Variants in SLIT2 observed in about 807,000 individuals in gnomAD.
SLIT2 encodes the protein slit guidance ligand 2, also known as slit homolog 2 protein.
SLIT2 carries 41 observed loss-of-function variants against 185.7 expected under a neutral mutation model. That is an observed-to-expected ratio of 0.22 (90% CI 0.17 to 0.29). The LOEUF (loss-of-function observed/expected upper bound fraction) is 0.29, where lower values mean the gene tolerates loss of function less well. Among genes scored for constraint, SLIT2 ranks in the 10% least tolerant of loss-of-function variants. The probability of loss-of-function intolerance (pLI) is 1.00; values close to 1 mark genes in which losing one functional copy is unlikely to be tolerated. For synonymous variants in SLIT2, 693 were observed against 680.2 expected, an observed-to-expected ratio of 1.02 and a Z score of -0.29; for missense variants, 1,571 against 1,909.0, an observed-to-expected ratio of 0.82 and a Z score of 3.30.
chr4:20,470,484 C>CTGTGTGTGTGTGTGTGTGTG (rs540814034), intron 5 of SLIT2, among the ~76,000 whole-genome samples: 1 of 129,216 alleles, frequency 7.7e-6, no homozygotes, highest in Non-Finnish European at 1.6e-5. Flanking sequence ...GCAGTGGAGT[C>CTGTGTGTGTGTGTGTGTGTG]TGTGTGTGTG....
chr4:20,605,928 T>A (rs1728766288), intron 33 of SLIT2, among the ~76,000 whole-genome samples: 1 of 151,562 alleles, frequency 6.6e-6, no homozygotes, highest in South Asian at 2.1e-4. Flanking sequence ...GTTTGTATTT[T>A]AGTAGAGACA....
chr4:20,385,469 T>C (rs933037722), intron 4 of SLIT2, among the ~76,000 whole-genome samples: 6 of 152,128 alleles, frequency 3.9e-5, no homozygotes, highest in Admixed American at 1.3e-4. Context: ...AAAAGTTGTA[T>C]AGCTTGGCCA....
intron 5 of SLIT2, among the ~76,000 whole-genome samples, chr4:20,468,586 A>G (rs572871549): frequency 1.7e-4 from 26 of 152,246 alleles, no homozygotes; most frequent in African/African-American, 6.0e-4. Flanking sequence ...TTAAGATCTC[A>G]GTGACAATCA....
intron 33 of SLIT2, among the ~76,000 whole-genome samples, chr4:20,604,812 C>G (rs992422494): frequency 2.0e-4 from 31 of 151,312 alleles, no homozygotes; most frequent in Middle Eastern, 3.2e-3. Flanking sequence ...TATTCCAAAG[C>G]GTGGAATATG....
rs529467390 is a variant in SLIT2 at position 20,367,844 on chromosome 4, C to T, written c.395+98963C>T. Reference sequence around the variant, plus strand: ...CTCCAGGAAGCAGGTTGATTCTGGCCGGCAAAGCTCCCTGAGGTGGGATCC... The same window carrying T: ...CTCCAGGAAGCAGGTTGATTCTGGCTGGCAAAGCTCCCTGAGGTGGGATCC... On this transcript the variant is annotated intron_variant, in intron 4 of 36. Coordinates refer to ENST00000504154, the MANE Select transcript of SLIT2 (RefSeq NM_004787.4). Among the ~76,000 whole-genome samples the T allele has an allele frequency of 7.6e-4, 116 of 152,124 alleles. No homozygotes were observed. The South Asian group carries it at 0.023, about 30-fold the overall frequency.
Position 20,373,420 on chromosome 4 carries a change from G to A in SLIT2, c.396-94332G>A, listed in dbSNP as rs146950291. On this transcript the variant is annotated intron_variant, in intron 4 of 36. Coordinates refer to ENST00000504154, the MANE Select transcript of SLIT2 (RefSeq NM_004787.4). ...TGAAGGAAATTTTAAAGAGATAAAA[G>A]TGCTTCCACTTTCACACACAAGTTT... 5.7e-4 allele frequency among the ~76,000 whole-genome samples: 86 copies of A among 151,998 alleles called. No individual in the cohort carries two copies. The South Asian group carries it at 0.014, about 25-fold the overall frequency.
Position 20,322,120 on chromosome 4 carries a change from C to T in SLIT2, c.395+53239C>T, listed in dbSNP as rs183380745. ...CAGCCAGATTCCAGACTTGTATTTC[C>T]TGCTTTCCTCTATCACCAGAACCTC... On this transcript the variant is annotated intron_variant, in intron 4 of 36. Coordinates refer to ENST00000504154, the MANE Select transcript of SLIT2 (RefSeq NM_004787.4). 3.1e-3 allele frequency among the ~76,000 whole-genome samples: 475 copies of T among 152,258 alleles called. 7 individuals carry two copies. The highest frequency in any genetic ancestry group is 0.011 in the African/African-American group (453 of 41,548).
chr4:20,584,905 A>T (rs1173986653), intron 29 of SLIT2, among the ~76,000 whole-genome samples: 2 of 152,110 alleles, frequency 1.3e-5, no homozygotes, highest in Non-Finnish European at 2.9e-5. Context: ...AAATACAAAA[A>T]TTAGCTGGGC....
At chr4:20,272,888 C>G (rs1713779611) in intron 4 of SLIT2, among the ~76,000 whole-genome samples, 2 of 152,178 alleles carry the variant, frequency 1.3e-5, no homozygotes, top group South Asian at 2.1e-4. Flanking sequence ...TTTGGAGCGA[C>G]TAAATTATCT....
chr4:20,513,738 G>C (rs567007718), intron 11 of SLIT2, among the ~76,000 whole-genome samples: 51 of 151,740 alleles, frequency 3.4e-4, no homozygotes, highest in African/African-American at 1.2e-3. Flanking sequence ...GCTGTGGTTG[G>C]CGGGGGGAAG....
chr4:20,368,219 C>CAAAAAAAAAAAAAAAAAAAAAAAAA (rs71653879), intron 4 of SLIT2, among the ~76,000 whole-genome samples: 7 of 107,426 alleles, frequency 6.5e-5, no homozygotes, highest in African/African-American at 1.1e-4. Flanking sequence ...CACAAAATAG[C>CAAAAAAAAAAAAAAAAAAAAAAAAA]AAAAAAAAAA....
chr4:20,440,648 T>C (rs1729676858), intron 4 of SLIT2, among the ~76,000 whole-genome samples: 2 of 152,210 alleles, frequency 1.3e-5, no homozygotes, highest in Non-Finnish European at 2.9e-5. Flanking sequence ...TAAACAAAAT[T>C]ACCTCTGAAT....
At chr4:20,400,541 T>A (rs1726265710) in intron 4 of SLIT2, among the ~76,000 whole-genome samples, 1 of 151,728 alleles carries the variant, frequency 6.6e-6, no homozygotes. Context: ...GAGACTTTTT[T>A]TTTTCAAATT....
At chr4:20,344,193 G>T (rs1721196816) in intron 4 of SLIT2, among the ~76,000 whole-genome samples, 1 of 152,136 alleles carries the variant, frequency 6.6e-6, no homozygotes, top group Non-Finnish European at 1.5e-5. Flanking sequence ...AGGGAAATGT[G>T]GTGTTTTTGC....
chr4:20,545,598 G>A (rs1404415888), intron 21 of SLIT2, among the ~76,000 whole-genome samples: 4 of 151,918 alleles, frequency 2.6e-5, no homozygotes, highest in African/African-American at 9.7e-5. Context: ...CCGCAAATAT[G>A]CCTTTAATGT....
Position 20,443,582 on chromosome 4 carries a change from T to TAAA in SLIT2, c.396-24145_396-24143dup, listed in dbSNP as rs71653885. On this transcript the variant is annotated intron_variant, in intron 4 of 36. Transcript: ENST00000504154. ...CCAGCTATTAGCAGAGGAGAAAATCTAAAAAAAAAAAAAAAAAAAAAAAAA... is the reference window on the plus strand; with the variant it reads ...CCAGCTATTAGCAGAGGAGAAAATCTAAAAAAAAAAAAAAAAAAAAAAAAAAAA... 5.4e-3 allele frequency among the ~76,000 whole-genome samples: 343 copies of TAAA among 63,054 alleles called. 20 individuals carry two copies. The highest frequency in any genetic ancestry group is 0.015 in the East Asian group (24 of 1,588). The allele number at this position is 63,054 out of a possible 152,430, so 41.4% of individuals were successfully genotyped here. A position where few individuals can be genotyped will look rare whatever the true frequency, so the allele number is the denominator to read the frequency against.
At chr4:20,471,258 T>C (rs1174253001) in intron 5 of SLIT2, among the ~76,000 whole-genome samples, 1 of 99,208 alleles carries the variant, frequency 1.0e-5, no homozygotes, top group Non-Finnish European at 2.2e-5. Flanking sequence ...TCCAATCTCA[T>C]GGGGTTTGTA....
At chr4:20,489,101 A>C in intron 8 of SLIT2, 119 bp downstream of exon 8, 1 of 695,628 alleles carries the variant, frequency 1.4e-6, no homozygotes. Flanking sequence ...TTGTGCACTA[A>C]TCACTCTACA....
intron 16 of SLIT2, among the ~76,000 whole-genome samples, chr4:20,529,963 G>C: frequency 6.6e-6 from 1 of 152,144 alleles, no homozygotes; most frequent in East Asian, 1.9e-4. Flanking sequence ...GACAGGGATT[G>C]TGTGTTATTG....
Sources: allele counts gnomAD v4.1 joint callset (sites outside exome capture counted in the v4.1 genomes callset), GRCh38; gene constraint gnomAD v4.1.1; transcripts MANE v1.5; gene names NCBI Gene and HGNC (gene_info 2026-07-23, HGNC 2026-07-21).